The following NPHP4 variants were observed in gnomAD, a reference collection of about 807,000 sequenced individuals.
The protein encoded by NPHP4 is nephrocystin-4.
NPHP4 carries 151 observed loss-of-function variants against 155.8 expected under a neutral mutation model. The observed-to-expected ratio is 0.97, with a 90% CI of 0.85 to 1.11. NPHP4 has a LOEUF of 1.11. Ranked by LOEUF, NPHP4 falls within the 50% of genes least tolerant of loss-of-function variation. The pLI, the probability that NPHP4 is intolerant of heterozygous loss-of-function variation, is 0.00. For synonymous variants in NPHP4, 845 were observed against 816.8 expected (o/e 1.03, Z -0.59); for missense variants, 1,956 against 1,925.7 (o/e 1.02, Z -0.29).
chr1:5,971,956 C>T (rs1652646020), intron 3 of NPHP4, among the ~76,000 whole-genome samples: 1 of 152,258 alleles, frequency 6.6e-6, no homozygotes. Context: ...TTTAAATGCT[C>T]CTGTCTTAAT....
At chr1:5,972,029 G>A (rs962219915) in intron 3 of NPHP4, among the ~76,000 whole-genome samples, 2 of 152,200 alleles carry the variant, frequency 1.3e-5, no homozygotes, top group African/African-American at 2.4e-5. Context: ...TTTTTCACCC[G>A]CAGTGATGGA....
chr1:5,951,294 C>A (rs12076999), intron 7 of NPHP4, among the ~76,000 whole-genome samples: 8 of 152,284 alleles, frequency 5.3e-5, no homozygotes, highest in African/African-American at 1.4e-4. Context: ...GGACTCATCA[C>A]GAAAAGGGTG....
chr1:5,915,968 C>A (rs763043368), intron 11 of NPHP4, among the ~76,000 whole-genome samples: 2 of 152,178 alleles, frequency 1.3e-5, no homozygotes, highest in Non-Finnish European at 2.9e-5. Context: ...GCTAGCAGCA[C>A]AGCAGGCACC....
chr1:5,950,130 C>T (rs147359933), intron 7 of NPHP4, among the ~76,000 whole-genome samples: 3 of 152,128 alleles, frequency 2.0e-5, no homozygotes, highest in Non-Finnish European at 2.9e-5. Context: ...CCCAAAAGGC[C>T]GAGAAGCAAT....
intron 9 of NPHP4, among the ~76,000 whole-genome samples, chr1:5,934,355 G>C (rs972200184): frequency 6.6e-6 from 1 of 152,118 alleles, no homozygotes; most frequent in African/African-American, 2.4e-5. Flanking sequence ...TAAGTGCTGC[G>C]GAGCGCTGCC....
At chr1:5,864,223 G>T in intron 28 of NPHP4, 115 bp downstream of exon 28, 2 of 1,193,432 alleles carry the variant, frequency 1.7e-6, no homozygotes, top group Non-Finnish European at 2.4e-6. Flanking sequence ...ACCCGGCCCT[G>T]CTGGGTCAGA....
At chr1:5,872,992 C>T (rs551385640) in intron 23 of NPHP4, among the ~76,000 whole-genome samples, 1 of 152,368 alleles carries the variant, frequency 6.6e-6, no homozygotes, top group South Asian at 2.1e-4. Context: ...TGCGGCTTCA[C>T]ACCCGGAGAG....
At chr1:5,930,901 T>C (rs1194343439) in intron 10 of NPHP4, among the ~76,000 whole-genome samples, 1 of 152,242 alleles carries the variant, frequency 6.6e-6, no homozygotes, top group Non-Finnish European at 1.5e-5. Context: ...ATTTGTCCAT[T>C]TCTCCTTTCA....
At chr1:5,906,433 A>G (rs1644917381) in intron 13 of NPHP4, among the ~76,000 whole-genome samples, 1 of 152,250 alleles carries the variant, frequency 6.6e-6, no homozygotes, top group Non-Finnish European at 1.5e-5. Flanking sequence ...GGTCACCCTC[A>G]CACCATGTCT....
chr1:5,874,809 A>C (rs1642400288), intron 21 of NPHP4, 65 bp downstream of exon 21: 1 of 1,555,556 alleles, frequency 6.4e-7, no homozygotes, highest in African/African-American at 1.4e-5. Context: ...CCAGCTCAGC[A>C]GGGGTGCCGG....
chr1:5,960,431 T>C (rs751783216), intron 6 of NPHP4, among the ~76,000 whole-genome samples: 5 of 152,108 alleles, frequency 3.3e-5, no homozygotes, highest in African/African-American at 9.7e-5. Context: ...AGGGCTGTCA[T>C]TGCCAACAAC....
At chr1:5,880,345 C>T (rs1643147163) in intron 18 of NPHP4, 106 bp from the exon 19 acceptor site, 10 of 1,122,800 alleles carry the variant, frequency 8.9e-6, no homozygotes, top group Middle Eastern at 2.0e-4. Context: ...GGCCTATCTA[C>T]ACCCTGACAC....
chr1:5,916,829 G>A (rs940126304), intron 11 of NPHP4, among the ~76,000 whole-genome samples: 4 of 152,258 alleles, frequency 2.6e-5, no homozygotes, highest in East Asian at 1.9e-4. Flanking sequence ...CCAACATGGC[G>A]AAACCCCATC....
intron 18 of NPHP4, chr1:5,887,079 A>C (rs1643866455): frequency 1.6e-5 from 9 of 580,360 alleles, no homozygotes; most frequent in Admixed American, 3.0e-5. Context: ...CTCTAACCCC[A>C]ATCAGAAATT....
intron 10 of NPHP4, among the ~76,000 whole-genome samples, chr1:5,930,248 T>C (rs1646207276): frequency 6.6e-6 from 1 of 152,254 alleles, no homozygotes; most frequent in African/African-American, 2.4e-5. Context: ...GGTTCTTGTT[T>C]CACTGGGTTT....
chr1:5,906,137 C>T (rs1464926750), intron 13 of NPHP4, among the ~76,000 whole-genome samples: 6 of 152,184 alleles, frequency 3.9e-5, no homozygotes, highest in African/African-American at 1.2e-4. Context: ...GTGGGAGATA[C>T]CTGACACCTG....
chr1:5,896,978 G>A (rs1032721130), intron 16 of NPHP4, among the ~76,000 whole-genome samples: 11 of 152,136 alleles, frequency 7.2e-5, no homozygotes, highest in Admixed American at 5.2e-4. Context: ...CAAAACAGCC[G>A]GACACCTAAC....
At chr1:5,943,752 G>A (rs983160912) in intron 9 of NPHP4, among the ~76,000 whole-genome samples, 1 of 152,170 alleles carries the variant, frequency 6.6e-6, no homozygotes, top group Non-Finnish European at 1.5e-5. Flanking sequence ...TGTACACCCA[G>A]GCTGACTGGA....
Position 5,905,175 on chromosome 1 carries a change from C to G in NPHP4, c.1955+117G>C. 2.4e-6 allele frequency: 2 copies of G among 833,010 alleles called. No individual in the cohort carries two copies. The highest frequency in any genetic ancestry group is 1.5e-5 in the South Asian group (1 of 64,850). 51.6% of individuals were successfully genotyped at this position (833,010 alleles called of 1,614,324 possible). ...GAGAAGATAAAAACAGATGGCACTCCCGAATCTACTAAGACCTCAGCACAG... is the reference window on the plus strand; with the variant it reads ...GAGAAGATAAAAACAGATGGCACTCGCGAATCTACTAAGACCTCAGCACAG... On this transcript the variant is annotated intron_variant, in intron 15 of 29. Transcript: ENST00000378156. This position sits in a 1 kb window ranked among gnomAD's most constrained non-coding sequence, Gnocchi z 4.0.
Sources: allele counts gnomAD v4.1 joint callset (sites outside exome capture counted in the v4.1 genomes callset), GRCh38; gene constraint gnomAD v4.1.1; non-coding constraint Gnocchi (gnomAD v3.1); transcripts MANE v1.5; gene names NCBI Gene and HGNC (gene_info 2026-07-23, HGNC 2026-07-21).